Variants in DAB1 observed in about 807,000 individuals in gnomAD.
DAB1 encodes disabled homolog 1.
In DAB1, 15 loss-of-function variants were observed where a neutral mutation model predicts 64.6. The ratio of observed to expected loss-of-function variants is 0.23; its 90% CI spans 0.16 to 0.36. DAB1 has a LOEUF of 0.36. DAB1 is among the 10% of genes least tolerant of loss of function. The probability of loss-of-function intolerance (pLI) is 1.00; values close to 1 mark genes in which losing one functional copy is unlikely to be tolerated. For synonymous variants in DAB1, 235 were observed against 251.9 expected (o/e 0.93, Z 0.64); for missense variants, 596 against 706.7 (o/e 0.84, Z 1.78).
chr1:57,027,538 C>T (rs903457388), intron 9 of DAB1, among the ~76,000 whole-genome samples: 5 of 152,184 alleles, frequency 3.3e-5, no homozygotes, highest in African/African-American at 9.7e-5. Flanking sequence ...CCGCTGGGCC[C>T]AGATAGTAGC....
chr1:57,696,978 T>C (rs1431585786), intron 6 of DAB1, among the ~76,000 whole-genome samples: 2 of 152,164 alleles, frequency 1.3e-5, no homozygotes, highest in East Asian at 3.9e-4. Context: ...AAGTTTCTGC[T>C]TACATTTTGA....
At chr1:57,306,504 T>C (rs1674186888) in intron 1 of DAB1, among the ~76,000 whole-genome samples, 1 of 150,380 alleles carries the variant, frequency 6.6e-6, no homozygotes, top group Non-Finnish European at 1.5e-5. Flanking sequence ...TTTTCTCTCT[T>C]AGAACAGGCT....
intron 4 of DAB1, among the ~76,000 whole-genome samples, chr1:57,116,825 C>T (rs1234399331): frequency 6.6e-6 from 1 of 152,160 alleles, no homozygotes; most frequent in Non-Finnish European, 1.5e-5. Flanking sequence ...AATTAGGTGG[C>T]TTTTTACAGC....
intron 1 of DAB1, among the ~76,000 whole-genome samples, chr1:57,365,148 T>C (rs1679876672): frequency 6.9e-6 from 1 of 144,034 alleles, no homozygotes; most frequent in Non-Finnish European, 1.5e-5. Flanking sequence ...ATATATTTTT[T>C]ATTATGAAGT....
chr1:57,059,832 C>G (rs1650199181), intron 9 of DAB1, among the ~76,000 whole-genome samples: 1 of 152,156 alleles, frequency 6.6e-6, no homozygotes, highest in Non-Finnish European at 1.5e-5. Flanking sequence ...CCAACTGCAG[C>G]CACCTGTCTC....
rs147841635 is a variant in DAB1, at chr1:58,240,004, C to T, written n.310-89416G>A. On this transcript the variant is annotated intron_variant and non_coding_transcript_variant, in intron 4 of 20. Transcript: ENST00000485760. ...TTGTCTTTGCTGAGTAACTATTTTA[C>T]ACTCCACACAACAGTAGGAGGTGGA... Among the ~76,000 whole-genome samples the T allele has an allele frequency of 4.7e-3, 714 of 152,278 alleles. 4 individuals are homozygous for T. Among genetic ancestry groups the T allele is most frequent in the African/African-American group, 0.016 (679 of 41,574 alleles).
chr1:57,233,955 T>G (rs886442968), intron 2 of DAB1, among the ~76,000 whole-genome samples: 1 of 152,038 alleles, frequency 6.6e-6, no homozygotes, highest in African/African-American at 2.4e-5. Flanking sequence ...AACGGGTCAA[T>G]TTAGAAGAGA....
chr1:57,214,176 C>T (rs1666237689), intron 2 of DAB1, among the ~76,000 whole-genome samples: 1 of 152,202 alleles, frequency 6.6e-6, no homozygotes, highest in Admixed American at 6.5e-5. Context: ...GACTTGGTGT[C>T]TGGTTAGGGC....
intron 5 of DAB1, among the ~76,000 whole-genome samples, chr1:58,125,574 T>C (rs1391411936): frequency 1.3e-5 from 2 of 151,902 alleles, no homozygotes; most frequent in Non-Finnish European, 2.9e-5. Flanking sequence ...CCCAAGTAGC[T>C]GGGACTACAG....
At chr1:58,042,455 C>T (rs1174809285) in intron 5 of DAB1, among the ~76,000 whole-genome samples, 2 of 152,128 alleles carry the variant, frequency 1.3e-5, no homozygotes, top group African/African-American at 4.8e-5. Flanking sequence ...CCCAGAGCTG[C>T]CAGTTATTAA....
chr1:57,568,694 C>T (rs1207712692), intron 7 of DAB1, among the ~76,000 whole-genome samples: 3 of 152,112 alleles, frequency 2.0e-5, no homozygotes, highest in Admixed American at 6.6e-5. Context: ...TCATCACTGG[C>T]CATCAGAGAA....
chr1:58,396,104 C>T (rs537193866), intron 3 of DAB1, among the ~76,000 whole-genome samples: 68 of 151,248 alleles, frequency 4.5e-4, no homozygotes, highest in African/African-American at 1.6e-3. Flanking sequence ...TGAAGTATTA[C>T]CAGGCGAGAA....
chr1:57,260,192 AG>A (rs2100552910), intron 2 of DAB1, among the ~76,000 whole-genome samples: 1 of 152,302 alleles, frequency 6.6e-6, no homozygotes, highest in East Asian at 1.9e-4. Flanking sequence ...CTCTGTGCTT[AG>A]ACACAGAGAG....
intron 2 of DAB1, among the ~76,000 whole-genome samples, chr1:58,509,145 AC>A (rs2100422877): frequency 6.6e-6 from 1 of 151,446 alleles, no homozygotes; most frequent in South Asian, 2.1e-4. Context: ...GTAGATATCA[AC>A]AATAAGAGTG....
intron 5 of DAB1, among the ~76,000 whole-genome samples, chr1:58,026,397 G>A (rs1646895825): frequency 6.6e-6 from 1 of 152,100 alleles, no homozygotes; most frequent in East Asian, 1.9e-4. Context: ...TAAGACTTCA[G>A]TATCTCCATT....
intron 5 of DAB1, among the ~76,000 whole-genome samples, chr1:57,953,930 A>G (rs1645331545): frequency 6.6e-6 from 1 of 152,118 alleles, no homozygotes; most frequent in South Asian, 2.1e-4. Context: ...GCCCACTGGT[A>G]GGAACATTGG....
chr1:57,008,019 C>T (rs1259141344), intron 14 of DAB1, among the ~76,000 whole-genome samples: 1 of 152,162 alleles, frequency 6.6e-6, no homozygotes, highest in Non-Finnish European at 1.5e-5. Flanking sequence ...TGGCATCTGC[C>T]CCTTGGCACT....
At chr1:58,485,228 T>TTAA (rs533975015) in intron 3 of DAB1, among the ~76,000 whole-genome samples, 560 of 42,030 alleles carry the variant, frequency 0.013, 36 homozygotes, top group Middle Eastern at 0.028. Flanking sequence ...AGTCTACTAC[T>TTAA]AAAAAAAAAA....
intron 6 of DAB1, among the ~76,000 whole-genome samples, chr1:57,796,486 C>G (rs894887622): frequency 2.6e-5 from 4 of 151,628 alleles, no homozygotes; most frequent in African/African-American, 9.7e-5. Flanking sequence ...GAGATCGTGC[C>G]GCTGCATTCC....
Sources: gnomAD v4.1 joint callset for allele counts (sites outside exome capture counted in the v4.1 genomes callset) on GRCh38, gnomAD v4.1.1 for gene constraint, MANE v1.5 for transcripts, NCBI Gene and HGNC (gene_info 2026-07-23, HGNC 2026-07-21) for gene names.